RTF2: variants seen among roughly 807,000 people sequenced by gnomAD.
RTF2 encodes UPF0549 protein C20orf43.
Under a neutral mutation model 38.0 loss-of-function variants are expected in RTF2, and 18 were observed. That is an observed-to-expected ratio of 0.47 (90% CI 0.33 to 0.70). The LOEUF (loss-of-function observed/expected upper bound fraction) is 0.70, where lower values mean the gene tolerates loss of function less well. RTF2 is among the 30% of genes least tolerant of loss of function. The pLI is 0.02. For missense variants in RTF2, 311 were observed against 379.6 expected (o/e 0.82, Z 1.50); for synonymous variants, 126 against 137.1 (o/e 0.92, Z 0.57).
At chr20:56,503,302 AT>A in intron 5 of RTF2, among the ~76,000 whole-genome samples, 1 of 152,350 alleles carries the variant, frequency 6.6e-6, no homozygotes, top group East Asian at 1.9e-4. Context: ...CAAAATGCCT[AT>A]TCCTAAAACA....
At chr20:56,508,763 C>T (rs949545009) in intron 5 of RTF2, among the ~76,000 whole-genome samples, 2 of 152,090 alleles carry the variant, frequency 1.3e-5, no homozygotes, top group Admixed American at 6.6e-5. Context: ...CAAGTCAATT[C>T]GATGGGGGAA....
At chr20:56,505,750 G>A (rs533332741) in intron 5 of RTF2, among the ~76,000 whole-genome samples, 19 of 152,184 alleles carry the variant, frequency 1.2e-4, no homozygotes, top group South Asian at 4.1e-4. Context: ...AACACAAGAA[G>A]CAAACATACT....
intron 3 of RTF2, among the ~76,000 whole-genome samples, chr20:56,476,301 G>A (rs6127761): frequency 0.046 from 6,943 of 152,128 alleles, 454 homozygotes; most frequent in East Asian, 0.29. Flanking sequence ...TAGATAGTCA[G>A]TAACATGAAG....
In RTF2 at chr20:56,513,297, CTT is replaced by C. The variant is rs1463903971; in HGVS notation, c.478-17_478-16del. 6 of 1,576,922 alleles carry C rather than the reference CTT, an allele frequency of 3.8e-6. No individual in the cohort carries two copies. Among genetic ancestry groups the C allele is most frequent in the South Asian group, 1.2e-5 (1 of 85,842 alleles). ...TGACTGGTGATGGAATCTGCCCTCTCTTGTTTGCCCTCTCCAGTGTGGGGCTG... is the reference window on the plus strand; with the variant it reads ...TGACTGGTGATGGAATCTGCCCTCTCGTTTGCCCTCTCCAGTGTGGGGCTG... On this transcript the variant is annotated splice_polypyrimidine_tract_variant and intron_variant, in intron 5 of 8. Coordinates refer to ENST00000357348, the MANE Select transcript of RTF2 (RefSeq NM_016407.5).
intron 1 of RTF2, chr20:56,472,234 A>G: frequency 2.5e-6 from 2 of 793,082 alleles, no homozygotes; most frequent in Non-Finnish European, 4.1e-6. Flanking sequence ...AAATAAATTA[A>G]TAAAATAAAT....
intron 5 of RTF2, among the ~76,000 whole-genome samples, chr20:56,500,827 G>C (rs189151254): frequency 5.3e-5 from 8 of 152,196 alleles, no homozygotes; most frequent in African/African-American, 1.7e-4. Flanking sequence ...TATCACTCAG[G>C]CTGGAGTGCA....
At chr20:56,492,051 A>G (rs1983182183) in intron 5 of RTF2, among the ~76,000 whole-genome samples, 1 of 152,106 alleles carries the variant, frequency 6.6e-6, no homozygotes, top group African/African-American at 2.4e-5. Flanking sequence ...GATTTAACTC[A>G]CCACGCGCAC....
chr20:56,482,189 T>C (rs1393279542), intron 4 of RTF2, among the ~76,000 whole-genome samples: 1 of 152,252 alleles, frequency 6.6e-6, no homozygotes, highest in Non-Finnish European at 1.5e-5. Flanking sequence ...TCCCTTGATA[T>C]GTGTGGGAGA....
At chr20:56,481,356 C>T (rs948939599) in intron 4 of RTF2, among the ~76,000 whole-genome samples, 4 of 152,130 alleles carry the variant, frequency 2.6e-5, no homozygotes, top group African/African-American at 9.7e-5. Context: ...GCAGACTGTG[C>T]GAGGGGAACT....
intron 5 of RTF2, among the ~76,000 whole-genome samples, chr20:56,493,304 A>G (rs887272874): frequency 3.3e-5 from 5 of 152,190 alleles, no homozygotes; most frequent in African/African-American, 4.8e-5. Context: ...ATTTTACCTG[A>G]TAGACATATT....
intron 5 of RTF2, chr20:56,495,253 G>T: frequency 6.5e-7 from 1 of 1,549,510 alleles, no homozygotes; most frequent in Non-Finnish European, 8.7e-7. Context: ...TTAATGGCTC[G>T]AACATTTCCT....
intron 5 of RTF2, among the ~76,000 whole-genome samples, chr20:56,487,432 A>G (rs2146331119): frequency 6.6e-6 from 1 of 152,340 alleles, no homozygotes; most frequent in South Asian, 2.1e-4. Flanking sequence ...GGTGACGAAC[A>G]GGAGCGAGCG....
intron 5 of RTF2, among the ~76,000 whole-genome samples, chr20:56,505,294 C>T: frequency 6.6e-6 from 1 of 151,808 alleles, no homozygotes; most frequent in East Asian, 1.9e-4. Flanking sequence ...TGAGACCAGC[C>T]TGGAAACATA....
rs769651479 is a variant in RTF2 at position 56,513,285 on chromosome 20, A to G, written c.478-30A>G. ...TGGCCTCCCCATTGACTGGTGATGGAATCTGCCCTCTCTTGTTTGCCCTCT... is the reference window on the plus strand; with the variant it reads ...TGGCCTCCCCATTGACTGGTGATGGGATCTGCCCTCTCTTGTTTGCCCTCT... On this transcript the variant is annotated intron_variant, in intron 5 of 8. Transcript: ENST00000357348. 2.6e-6 allele frequency: 4 copies of G among 1,567,066 alleles called. No homozygotes were observed. The African/African-American group carries it at 5.4e-5, about 21-fold the overall frequency.
intron 4 of RTF2, among the ~76,000 whole-genome samples, chr20:56,482,864 T>C (rs1600801175): frequency 6.6e-6 from 1 of 152,324 alleles, no homozygotes; most frequent in Admixed American, 6.5e-5. Flanking sequence ...TGATGTTTAA[T>C]GCTCCCTCCC....
At chr20:56,495,155 T>C (rs1326793009) in intron 5 of RTF2, 12 of 1,319,642 alleles carry the variant, frequency 9.1e-6, no homozygotes, top group Non-Finnish European at 1.3e-5. Context: ...TTTATAGTTG[T>C]TGTAAAATTT....
At chr20:56,493,068 C>T (rs1375546324) in intron 5 of RTF2, among the ~76,000 whole-genome samples, 1 of 152,024 alleles carries the variant, frequency 6.6e-6, no homozygotes, top group East Asian at 1.9e-4. Flanking sequence ...CCCAGCCACT[C>T]AGGAGGCTGA....
intron 5 of RTF2, chr20:56,497,493 T>G: frequency 6.7e-7 from 1 of 1,492,000 alleles, no homozygotes; most frequent in Non-Finnish European, 9.0e-7. Context: ...TACTTCTGGT[T>G]GGGCAGGTTC....
At chr20:56,511,411 A>C (rs903370644) in intron 5 of RTF2, among the ~76,000 whole-genome samples, 7 of 151,874 alleles carry the variant, frequency 4.6e-5, no homozygotes, top group African/African-American at 1.7e-4. Flanking sequence ...GTTTCATCCC[A>C]AAACCTTCCC....
Sources: gnomAD v4.1 joint callset for allele counts (sites outside exome capture counted in the v4.1 genomes callset) on GRCh38, gnomAD v4.1.1 for gene constraint, MANE v1.5 for transcripts, NCBI Gene and HGNC (gene_info 2026-07-23, HGNC 2026-07-21) for gene names.